Variants in TBC1D12 observed in about 807,000 individuals in gnomAD.
TBC1D12 encodes TBC1 domain family, member 12.
Under a neutral mutation model 86.7 loss-of-function variants are expected in TBC1D12, and 56 were observed. That is an observed-to-expected ratio of 0.65 (90% CI 0.52 to 0.81). The LOEUF is 0.81. TBC1D12 is among the 30% of genes least tolerant of loss of function. The pLI is 0.00. For synonymous variants in TBC1D12, 421 were observed against 411.7 expected, an observed-to-expected ratio of 1.02 and a Z score of -0.27; for missense variants, 1,023 against 1,038.8, an observed-to-expected ratio of 0.98 and a Z score of 0.21.
chr10:94,434,145 G>A (rs889080018), intron 1 of TBC1D12, among the ~76,000 whole-genome samples: 3 of 152,144 alleles, frequency 2.0e-5, no homozygotes, highest in Middle Eastern at 3.2e-3. Context: ...AAGCTTTGTG[G>A]CAGAAGATGA....
At chr10:94,495,444 A>G (rs2056302936) in intron 4 of TBC1D12, among the ~76,000 whole-genome samples, 1 of 152,202 alleles carries the variant, frequency 6.6e-6, no homozygotes, top group Non-Finnish European at 1.5e-5. Context: ...CGTTGAGATT[A>G]TAGGCATGAA....
chr10:94,426,583 G>T (rs2055149303), intron 1 of TBC1D12, among the ~76,000 whole-genome samples: 3 of 151,908 alleles, frequency 2.0e-5, no homozygotes, highest in Admixed American at 2.0e-4. Context: ...TTTTATTTTT[G>T]TATATTTTTT....
At chr10:94,458,111 A>T (rs2055655867) in intron 2 of TBC1D12, among the ~76,000 whole-genome samples, 1 of 152,142 alleles carries the variant, frequency 6.6e-6, no homozygotes, top group Admixed American at 6.5e-5. Flanking sequence ...GGCAATCCCC[A>T]CTGTGGCAAT....
intron 11 of TBC1D12, among the ~76,000 whole-genome samples, chr10:94,529,921 C>G (rs1281562667): frequency 6.6e-6 from 1 of 152,138 alleles, no homozygotes. Context: ...GAGTTTTATA[C>G]TACCAAAAGT....
intron 3 of TBC1D12, among the ~76,000 whole-genome samples, chr10:94,483,215 A>G (rs1189711825): frequency 6.6e-6 from 1 of 152,144 alleles, no homozygotes; most frequent in African/African-American, 2.4e-5. Flanking sequence ...TAGTGCAGCA[A>G]TAAACATGGG....
intron 1 of TBC1D12, among the ~76,000 whole-genome samples, chr10:94,423,131 A>G (rs2055097607): frequency 9.2e-6 from 1 of 108,338 alleles, no homozygotes; most frequent in Non-Finnish European, 2.0e-5. Flanking sequence ...AGAGAAAAAG[A>G]TAAAGCAAAA....
At chr10:94,430,766 T>C (rs1190125010) in intron 1 of TBC1D12, among the ~76,000 whole-genome samples, 4 of 152,218 alleles carry the variant, frequency 2.6e-5, no homozygotes, top group Non-Finnish European at 5.9e-5. Flanking sequence ...CCTTTTCCCC[T>C]CTTTTCTCTT....
At chr10:94,422,184 AG>A (rs1459648691) in intron 1 of TBC1D12, among the ~76,000 whole-genome samples, 1 of 129,618 alleles carries the variant, frequency 7.7e-6, no homozygotes. Flanking sequence ...GGGTTCATGT[AG>A]TTTTTTTTTT....
At chr10:94,441,748 T>C in intron 1 of TBC1D12, 148 bp from the exon 2 acceptor site, 1 of 712,790 alleles carries the variant, frequency 1.4e-6, no homozygotes, top group Non-Finnish European at 2.2e-6. Context: ...AGCCTTATTA[T>C]TCTAAGTAAT....
chr10:94,436,942 G>A (rs188198270), intron 1 of TBC1D12, among the ~76,000 whole-genome samples: 25 of 151,856 alleles, frequency 1.6e-4, no homozygotes, highest in Admixed American at 1.3e-3. Context: ...TCTTGACCTC[G>A]TGATCTACCT....
At chr10:94,501,171 G>A (rs965499483) in intron 6 of TBC1D12, among the ~76,000 whole-genome samples, 4 of 151,820 alleles carry the variant, frequency 2.6e-5, no homozygotes, top group Non-Finnish European at 5.9e-5. Context: ...AACTTTAGCC[G>A]GGCATGGTGG....
chr10:94,487,862 G>C (rs1279853237), intron 3 of TBC1D12, among the ~76,000 whole-genome samples: 1 of 125,742 alleles, frequency 8.0e-6, no homozygotes, highest in Non-Finnish European at 1.8e-5. Flanking sequence ...ATACCCAGCT[G>C]GTTTTTTTTT....
chr10:94,527,392 G>GT (rs1370028210), intron 11 of TBC1D12, among the ~76,000 whole-genome samples: 501 of 140,522 alleles, frequency 3.6e-3, no homozygotes, highest in Middle Eastern at 7.7e-3. Context: ...CCTGGCGTTT[G>GT]TTTTTTTTTT....
intron 9 of TBC1D12, among the ~76,000 whole-genome samples, chr10:94,512,011 A>G (rs548650913): frequency 6.6e-6 from 1 of 152,242 alleles, no homozygotes; most frequent in East Asian, 1.9e-4. Flanking sequence ...AAGGATAGGT[A>G]CCTGTCCCTA....
intron 5 of TBC1D12, among the ~76,000 whole-genome samples, chr10:94,499,595 T>C (rs1157245224): frequency 6.6e-6 from 1 of 152,222 alleles, no homozygotes; most frequent in Non-Finnish European, 1.5e-5. Context: ...AGTTTGTACA[T>C]TGGGAATTTG....
chr10:94,506,341 C>T (rs1486824974), intron 6 of TBC1D12, among the ~76,000 whole-genome samples: 1 of 152,068 alleles, frequency 6.6e-6, no homozygotes, highest in Non-Finnish European at 1.5e-5. Flanking sequence ...GCCCGGCCTA[C>T]TTTTTGAAAT....
intron 6 of TBC1D12, among the ~76,000 whole-genome samples, chr10:94,506,213 A>G (rs886913697): frequency 1.3e-5 from 2 of 151,822 alleles, no homozygotes; most frequent in Admixed American, 6.6e-5. Context: ...AATTTTTTGT[A>G]TTTTTAGTAG....
At chr10:94,405,671 A>G (rs1247628692) in intron 1 of TBC1D12, among the ~76,000 whole-genome samples, 1 of 152,150 alleles carries the variant, frequency 6.6e-6, no homozygotes, top group Non-Finnish European at 1.5e-5. Context: ...TTCAACTAGT[A>G]TACTCTTGAG....
chr10:94,530,944 C>T (rs931182376), intron 11 of TBC1D12, among the ~76,000 whole-genome samples: 2 of 150,790 alleles, frequency 1.3e-5, no homozygotes, highest in African/African-American at 2.4e-5. Flanking sequence ...GCTGCAACCT[C>T]CGCCTCCTGG....
Sources: gnomAD v4.1 joint callset for allele counts (sites outside exome capture counted in the v4.1 genomes callset) on GRCh38, gnomAD v4.1.1 for gene constraint, MANE v1.5 for transcripts, NCBI Gene and HGNC (gene_info 2026-07-23, HGNC 2026-07-21) for gene names.